The following PHF2 variants were observed in gnomAD, a reference collection of about 807,000 sequenced individuals.
PHF2 encodes lysine-specific demethylase PHF2.
PHF2 carries 27 observed loss-of-function variants against 120.5 expected under a neutral mutation model. The observed-to-expected ratio is 0.22, with a 90% CI of 0.17 to 0.31. The LOEUF (loss-of-function observed/expected upper bound fraction) is 0.31. Among genes scored for constraint, PHF2 ranks in the 10% least tolerant of loss-of-function variants. PHF2 has a pLI of 1.00. For missense variants in PHF2, 1,024 were observed against 1,434.8 expected, an observed-to-expected ratio of 0.71 and a Z score of 4.63; for synonymous variants, 568 against 592.5, an observed-to-expected ratio of 0.96 and a Z score of 0.60.
At chr9:93,581,744 C>G (rs1040813743) in intron 1 of PHF2, among the ~76,000 whole-genome samples, 4 of 152,198 alleles carry the variant, frequency 2.6e-5, no homozygotes, top group African/African-American at 4.8e-5. Context: ...TGAAATGTGG[C>G]CACAGATGCC....
intron 1 of PHF2, among the ~76,000 whole-genome samples, chr9:93,622,519 C>T (rs1011174050): frequency 6.6e-6 from 1 of 152,134 alleles, no homozygotes; most frequent in Non-Finnish European, 1.5e-5. Flanking sequence ...GTCAGGGCAA[C>T]GTCTGTGAGA....
In PHF2 at chr9:93,645,753, C is replaced by G; in HGVS notation, c.424C>G (p.Pro142Ala). The change falls in exon 4 of 22, where the codon CCC becomes GCC. Residue 142 changes from proline (P) to alanine (A), a missense_variant. Transcript: ENST00000359246. ...KDGLGLAVPA[P>A]TFYVSDVENY... is the part of the protein sequence containing the mutation. ...CGGGCTGGGTCTGGCTGTCCCGGCC[C>G]CCACGTTCTATGTCAGTGACGTCGA... is the stretch of plus-strand genomic sequence containing the variant. 1 of 1,609,134 alleles carries G rather than the reference C, an allele frequency of 6.2e-7. No homozygotes were observed. Among genetic ancestry groups the G allele is most frequent in the Non-Finnish European group, 8.5e-7 (1 of 1,178,060 alleles).
intron 1 of PHF2, among the ~76,000 whole-genome samples, chr9:93,581,922 G>T (rs564640422): frequency 1.3e-5 from 2 of 152,296 alleles, no homozygotes; most frequent in Admixed American, 6.5e-5. Flanking sequence ...AGTTCTCTGG[G>T]AGAATCTCAC....
chr9:93,657,959 G>A (rs1320666771), intron 9 of PHF2, among the ~76,000 whole-genome samples, 186 bp from the exon 10 acceptor site: 1 of 152,122 alleles, frequency 6.6e-6, no homozygotes, highest in Non-Finnish European at 1.5e-5. Flanking sequence ...AGCAGGGCAG[G>A]CCACCAGGAG....
chr9:93,640,180 C>A (rs1359362969), intron 3 of PHF2, among the ~76,000 whole-genome samples: 1 of 151,708 alleles, frequency 6.6e-6, no homozygotes, highest in Non-Finnish European at 1.5e-5. Context: ...TGGCATTTAT[C>A]CTCCTTTATG....
chr9:93,677,214 C>G lies in PHF2; in HGVS notation c.3202+251C>G, dbSNP rs967351818. On this transcript the variant is annotated intron_variant, in intron 21 of 21. Transcript: ENST00000359246. The surrounding 1 kb of genome is among the most constrained non-coding windows in gnomAD (Gnocchi z 4.4). ...CCCTGATCTGCCTGCACCCCTGCAC[C>G]CCAGCCGTGGGGCCGGCCAGCTGTG... 2.6e-5 allele frequency among the ~76,000 whole-genome samples: 4 copies of G among 151,318 alleles called. No homozygotes were observed. Among genetic ancestry groups the G allele is most frequent in the Non-Finnish European group, 4.4e-5 (3 of 67,904 alleles).
intron 1 of PHF2, among the ~76,000 whole-genome samples, chr9:93,620,936 C>T (rs567237811): frequency 6.6e-6 from 1 of 152,376 alleles, no homozygotes; most frequent in South Asian, 2.1e-4. Flanking sequence ...CCTAATGGAG[C>T]TCACTGTGCT....
intron 3 of PHF2, 127 bp from the exon 4 acceptor site, chr9:93,645,502 C>T: frequency 1.0e-6 from 1 of 969,282 alleles, no homozygotes; most frequent in South Asian, 1.9e-5. Flanking sequence ...CAGGCCTCCT[C>T]CTGTGGCTGT....
intron 1 of PHF2, among the ~76,000 whole-genome samples, chr9:93,625,970 C>T (rs943092118): frequency 5.3e-5 from 8 of 151,822 alleles, no homozygotes; most frequent in African/African-American, 2.4e-5. Flanking sequence ...TGGCCGGGCG[C>T]GGTGGCTCAT....
intron 1 of PHF2, among the ~76,000 whole-genome samples, chr9:93,626,732 A>G (rs1276690917): frequency 6.6e-6 from 1 of 152,218 alleles, no homozygotes; most frequent in East Asian, 1.9e-4. Context: ...TAGGTTGCCA[A>G]TCCATTTCTA....
At chr9:93,657,531 A>T (rs375129340) in intron 9 of PHF2, among the ~76,000 whole-genome samples, 25 of 152,330 alleles carry the variant, frequency 1.6e-4, no homozygotes, top group Admixed American at 5.9e-4. Context: ...CAGCCAGGCC[A>T]CTGTGGCCAT....
At chr9:93,602,333 A>G (rs1321227283) in intron 1 of PHF2, among the ~76,000 whole-genome samples, 2 of 136,678 alleles carry the variant, frequency 1.5e-5, no homozygotes, top group Non-Finnish European at 1.5e-5. Context: ...GCTCACTGCA[A>G]CCTCTGCCTC....
intron 1 of PHF2, among the ~76,000 whole-genome samples, chr9:93,604,100 AG>A (rs1176251412): frequency 6.6e-6 from 1 of 152,186 alleles, no homozygotes; most frequent in Non-Finnish European, 1.5e-5. Context: ...GGGGGAGTGC[AG>A]GGAGGCACAG....
intron 3 of PHF2, 150 bp from the exon 4 acceptor site, chr9:93,645,479 G>A: frequency 2.7e-6 from 2 of 734,474 alleles, no homozygotes; most frequent in Middle Eastern, 8.3e-4. Context: ...CGTCCCATTT[G>A]TGGCACCACG....
At chr9:93,642,483 C>G (rs924755237) in intron 3 of PHF2, among the ~76,000 whole-genome samples, 1 of 152,190 alleles carries the variant, frequency 6.6e-6, no homozygotes, top group Non-Finnish European at 1.5e-5. Flanking sequence ...CAATGACTGT[C>G]TTTATTCTTA....
In PHF2 at chr9:93,676,611, GA is replaced by G. The variant is rs1252501615; in HGVS notation, c.2858del (p.Lys953ArgfsTer7). The G allele has an allele frequency of 2.5e-6, 4 of 1,599,362 alleles. No homozygotes were observed. The highest frequency in any genetic ancestry group is 1.1e-5 in the South Asian group (1 of 89,970). ...GTTCAAAGGAGGAGCAGAAAAGCAA[GA>G]AAAAAAAGAGTGCCAAGAGGAAGCT... is the stretch of plus-strand genomic sequence containing the variant. ...LSQQEEQKSK[K>X]KKSAKRKLTP... is the part of the protein sequence containing the mutation. On this transcript the variant is annotated frameshift_variant, in exon 21 of 22. Transcript: ENST00000359246. LOFTEE classifies it high-confidence loss of function.
chr9:93,632,419 G>T (rs1826017338), intron 2 of PHF2, among the ~76,000 whole-genome samples: 1 of 152,192 alleles, frequency 6.6e-6, no homozygotes, highest in Non-Finnish European at 1.5e-5. Flanking sequence ...TGTTCAGGCT[G>T]CCGTAACAAA....
chr9:93,646,033 G>A (rs542102759), intron 4 of PHF2, among the ~76,000 whole-genome samples: 12 of 152,322 alleles, frequency 7.9e-5, no homozygotes, highest in African/African-American at 2.4e-4. Context: ...GTAGGGGCTG[G>A]TCTGGGAGAC....
At chr9:93,624,485 G>A (rs1443827909) in intron 1 of PHF2, among the ~76,000 whole-genome samples, 1 of 133,810 alleles carries the variant, frequency 7.5e-6, no homozygotes, top group East Asian at 2.2e-4. Flanking sequence ...GGCGGTGATG[G>A]TGATGGTGGT....
Sources: gnomAD v4.1 joint callset for allele counts (sites outside exome capture counted in the v4.1 genomes callset) on GRCh38, gnomAD v4.1.1 for gene constraint, Gnocchi (gnomAD v3.1) non-coding constraint, MANE v1.5 for transcripts, NCBI Gene and HGNC (gene_info 2026-07-23, HGNC 2026-07-21) for gene names.